DCTD: variants seen among roughly 807,000 people sequenced by gnomAD.
DCTD encodes dCMP deaminase, also known as deoxycytidylate deaminase.
A neutral mutation model predicts 21.0 loss-of-function variants in DCTD; 23 were observed. The ratio of observed to expected loss-of-function variants is 1.09; its 90% CI spans 0.79 to 1.55. The LOEUF is 1.55. DCTD is among the 40% of genes most tolerant of loss of function. DCTD has a pLI of 0.00. For missense variants in DCTD, 224 were observed against 230.0 expected (o/e 0.97, Z 0.17); for synonymous variants, 71 against 81.1 (o/e 0.88, Z 0.67).
chr4:182,895,666 G>A (rs1734608331), intron 3 of DCTD, among the ~76,000 whole-genome samples: 1 of 152,200 alleles, frequency 6.6e-6, no homozygotes, highest in African/African-American at 2.4e-5. Flanking sequence ...TCCTGCCCAG[G>A]AGGTTTCTGG....
At chr4:182,900,866 T>G (rs1205005279) in intron 3 of DCTD, among the ~76,000 whole-genome samples, 5 of 151,938 alleles carry the variant, frequency 3.3e-5, no homozygotes, top group Non-Finnish European at 7.4e-5. Context: ...TGGTTTTTTT[T>G]TTTTTTCTTT....
At chr4:182,898,443 C>T (rs1451364244) in intron 3 of DCTD, among the ~76,000 whole-genome samples, 1 of 152,226 alleles carries the variant, frequency 6.6e-6, no homozygotes, top group East Asian at 1.9e-4. Context: ...TTCCAGCTAA[C>T]TAAATAAAAG....
chr4:182,899,035 T>C (rs1391044274), intron 3 of DCTD, among the ~76,000 whole-genome samples: 2 of 152,200 alleles, frequency 1.3e-5, no homozygotes, highest in Admixed American at 6.5e-5. Flanking sequence ...TCACCATATA[T>C]CTGCCAATTT....
At chr4:182,892,365 A>G (rs17074230) in intron 5 of DCTD, among the ~76,000 whole-genome samples, 3,523 of 152,304 alleles carry the variant, frequency 0.023, 130 homozygotes, top group African/African-American at 0.081. Context: ...TCAAATCTCA[A>G]TGCAAAATGT....
At chr4:182,894,745 C>A in intron 3 of DCTD, 140 bp from the exon 4 acceptor site, 2 of 671,394 alleles carry the variant, frequency 3.0e-6, no homozygotes, top group Non-Finnish European at 5.3e-6. Flanking sequence ...ATGGCAAGTC[C>A]TAAGAATACC....
rs1007863137 is a variant in DCTD, at chr4:182,891,055, A to G, written c.*344T>C. The stretch of plus-strand genomic sequence containing the variant: ...TTCCAGCACATGTAGCAGTGAAGAG[A>G]GGCTGCCGGATCGCAGCAGATGACA... On this transcript the variant is annotated 3_prime_UTR_variant, in exon 6 of 6. Transcript: ENST00000438320. The G allele has an allele frequency of 2.4e-4, 55 of 233,842 alleles. No homozygotes were observed. Among genetic ancestry groups the G allele is most frequent in the Non-Finnish European group, 6.7e-5 (8 of 119,846 alleles). The allele number at this position is 233,842 out of a possible 1,614,324, so 14.5% of individuals were successfully genotyped here.
chr4:182,906,292 GA>G (rs1736704879), intron 3 of DCTD, among the ~76,000 whole-genome samples: 1 of 150,558 alleles, frequency 6.6e-6, no homozygotes, highest in African/African-American at 2.4e-5. Context: ...CATTAAAAAA[GA>G]AAAAAAAAGT....
intron 3 of DCTD, among the ~76,000 whole-genome samples, chr4:182,897,960 C>G (rs570246876): frequency 6.6e-6 from 1 of 152,238 alleles, no homozygotes; most frequent in Non-Finnish European, 1.5e-5. Context: ...CCCAGGCCGC[C>G]CTGTACCTCC....
chr4:182,917,181 G>T lies in DCTD; in HGVS notation c.-8+130C>A. ...TCTAAAGGCTGAGCGCGGCCGAGGCGCCCCCAGCGTCCGCGGCCCCAGGCC... is the reference window on the plus strand; with the variant it reads ...TCTAAAGGCTGAGCGCGGCCGAGGCTCCCCCAGCGTCCGCGGCCCCAGGCC... On this transcript the variant is annotated intron_variant, in intron 1 of 5. Coordinates refer to ENST00000438320, the MANE Select transcript of DCTD (RefSeq NM_001921.3). This position sits in a 1 kb window ranked among gnomAD's most constrained non-coding sequence, Gnocchi z 4.9. The T allele has an allele frequency of 1.0e-6, 1 of 990,502 alleles. No homozygotes were observed. The highest frequency in any genetic ancestry group is 1.1e-4 in the East Asian group (1 of 8,944). 61.4% of individuals were successfully genotyped at this position (990,502 alleles called of 1,614,324 possible). A position where few individuals can be genotyped will look rare whatever the true frequency, so the allele number is the denominator to read the frequency against.
chr4:182,899,652 C>T (rs1223454577), intron 3 of DCTD, among the ~76,000 whole-genome samples: 1 of 152,136 alleles, frequency 6.6e-6, no homozygotes, highest in Non-Finnish European at 1.5e-5. Context: ...CCACCTGCCT[C>T]GGCCTCCAAA....
At chr4:182,912,923 C>T (rs577207346) in intron 3 of DCTD, among the ~76,000 whole-genome samples, 50 of 152,162 alleles carry the variant, frequency 3.3e-4, no homozygotes, top group Non-Finnish European at 5.3e-4. Context: ...TGACGGACCG[C>T]CATCCCCCCA....
chr4:182,903,942 G>C (rs911671923), intron 3 of DCTD, among the ~76,000 whole-genome samples: 6 of 152,188 alleles, frequency 3.9e-5, no homozygotes, highest in Non-Finnish European at 8.8e-5. Context: ...CAAGAGCACA[G>C]CACAGACAAG....
chr4:182,909,895 G>C (rs998949771), intron 3 of DCTD, among the ~76,000 whole-genome samples: 2 of 152,206 alleles, frequency 1.3e-5, no homozygotes, highest in African/African-American at 4.8e-5. Flanking sequence ...AGAATTTAAA[G>C]AGGCACTGCC....
chr4:182,899,847 C>G (rs1245883781), intron 3 of DCTD, among the ~76,000 whole-genome samples: 1 of 152,154 alleles, frequency 6.6e-6, no homozygotes, highest in African/African-American at 2.4e-5. Context: ...ATGTACCTTT[C>G]CTCTATGGGT....
chr4:182,917,457 G>A, upstream of DCTD: 1 of 387,146 alleles, frequency 2.6e-6, no homozygotes, highest in Non-Finnish European at 3.5e-6. This position sits in a 1 kb window ranked among gnomAD's most constrained non-coding sequence, Gnocchi z 4.9. Flanking sequence ...ACGGCGGCTG[G>A]CCCCGGGGGC....
At chr4:182,895,683 G>A (rs922286316) in intron 3 of DCTD, among the ~76,000 whole-genome samples, 8 of 152,180 alleles carry the variant, frequency 5.3e-5, no homozygotes, top group South Asian at 4.1e-4. Flanking sequence ...CTGGATGGCC[G>A]TCTTGTATCG....
In DCTD at chr4:182,912,249, A is replaced by G. The variant is rs527808867; in HGVS notation, c.244+2674T>C. 1.3e-3 allele frequency among the ~76,000 whole-genome samples: 191 copies of G among 152,292 alleles called. 1 individual carries two copies. The highest frequency in any genetic ancestry group is 4.4e-3 in the African/African-American group (183 of 41,554). The stretch of plus-strand genomic sequence containing the variant: ...CATTTACTTCTCTGTGGCCTGAAAA[A>G]CCTTGAGAAGACAACAAGTGTACAG... On this transcript the variant is annotated intron_variant, in intron 3 of 5. Transcript: ENST00000438320.
At chr4:182,913,483 C>T (rs1005583124) in intron 3 of DCTD, among the ~76,000 whole-genome samples, 21 of 152,172 alleles carry the variant, frequency 1.4e-4, no homozygotes, top group Admixed American at 1.1e-3. Flanking sequence ...ATTTATGGGG[C>T]TTATTTAACA....
At chr4:182,905,254 T>C (rs775844337) in intron 3 of DCTD, among the ~76,000 whole-genome samples, 1 of 152,020 alleles carries the variant, frequency 6.6e-6, no homozygotes, top group Non-Finnish European at 1.5e-5. Flanking sequence ...GACCTCCACG[T>C]TGCTGAACCC....
Sources: allele counts gnomAD v4.1 joint callset (sites outside exome capture counted in the v4.1 genomes callset), GRCh38; gene constraint gnomAD v4.1.1; non-coding constraint Gnocchi (gnomAD v3.1); transcripts MANE v1.5; gene names NCBI Gene and HGNC (gene_info 2026-07-23, HGNC 2026-07-21).